ULK4: variants seen among roughly 807,000 people sequenced by gnomAD.
The protein encoded by ULK4 is inactive serine/threonine-protein kinase ULK4.
ULK4 carries 133 observed loss-of-function variants against 160.6 expected under a neutral mutation model. The ratio of observed to expected loss-of-function variants is 0.83; its 90% CI spans 0.72 to 0.96. The LOEUF is 0.96. ULK4 is among the 40% of genes least tolerant of loss of function. The pLI, the probability that ULK4 is intolerant of heterozygous loss-of-function variation, is 0.00. For missense variants in ULK4, 1,580 were observed against 1,499.5 expected (o/e 1.05, Z -0.89); for synonymous variants, 534 against 539.8 (o/e 0.99, Z 0.15).
chr3:41,602,456 A>G (rs1575473078), intron 31 of ULK4, among the ~76,000 whole-genome samples: 2 of 151,968 alleles, frequency 1.3e-5, no homozygotes, highest in East Asian at 3.9e-4. Context: ...AGAGGAAGAA[A>G]GACAGAAAAC....
chr3:41,442,834 T>C (rs1195289786), intron 34 of ULK4, among the ~76,000 whole-genome samples: 1 of 152,212 alleles, frequency 6.6e-6, no homozygotes, highest in Non-Finnish European at 1.5e-5. Flanking sequence ...TTTAGTACTC[T>C]GTAACGTGAA....
intron 25 of ULK4, among the ~76,000 whole-genome samples, chr3:41,709,135 AATTTT>A (rs1367996108): frequency 6.6e-6 from 1 of 152,182 alleles, no homozygotes; most frequent in African/African-American, 2.4e-5. Flanking sequence ...AGTTACAGAT[AATTTT>A]ATTTTCTTCA....
chr3:41,670,418 T>C (rs1575551654), intron 29 of ULK4, among the ~76,000 whole-genome samples: 1 of 152,292 alleles, frequency 6.6e-6, no homozygotes, highest in South Asian at 2.1e-4. Context: ...CCCAGTCTTG[T>C]GATTTTTATG....
In ULK4 at chr3:41,615,534, G is replaced by A. The variant is rs2032918847; in HGVS notation, c.3120+135C>T. ...AGATAAGAAAGCTGAAGTCCAAGGA[G>A]GTTAAGTGTGATGATGATGGACGTA... On this transcript the variant is annotated intron_variant, in intron 31 of 36. Transcript: ENST00000301831. 7.9e-6 allele frequency: 6 copies of A among 758,340 alleles called. No homozygotes were observed. The Admixed American group carries it at 1.6e-4, about 20-fold the overall frequency. 47.0% of individuals were successfully genotyped at this position (758,340 alleles called of 1,614,324 possible). A position where few individuals can be genotyped will look rare whatever the true frequency, so the allele number is the denominator to read the frequency against.
chr3:41,590,084 C>G (rs921572328), intron 31 of ULK4, among the ~76,000 whole-genome samples: 4 of 151,648 alleles, frequency 2.6e-5, no homozygotes, highest in African/African-American at 9.7e-5. Flanking sequence ...CTCACTGTAA[C>G]CTCCGCCTCC....
At chr3:41,535,779 A>C (rs752030302) in intron 32 of ULK4, among the ~76,000 whole-genome samples, 2 of 152,192 alleles carry the variant, frequency 1.3e-5, no homozygotes, top group African/African-American at 4.8e-5. Context: ...ATTTCTATAG[A>C]GTGGACTCAG....
intron 5 of ULK4, among the ~76,000 whole-genome samples, chr3:41,923,604 GT>G (rs368871026): frequency 9.6e-4 from 146 of 152,344 alleles, no homozygotes; most frequent in African/African-American, 3.3e-3. Flanking sequence ...GCTGGGTGCA[GT>G]CATGAGAAGC....
intron 25 of ULK4, among the ~76,000 whole-genome samples, chr3:41,709,234 G>GA (rs925569927): frequency 3.4e-3 from 503 of 149,470 alleles, no homozygotes; most frequent in African/African-American, 0.011. Flanking sequence ...TTTAAAATAA[G>GA]AAAAAAAAAC....
intron 34 of ULK4, among the ~76,000 whole-genome samples, chr3:41,411,077 T>C (rs185446598): frequency 5.9e-5 from 9 of 152,288 alleles, no homozygotes; most frequent in South Asian, 2.1e-4. Context: ...ATCATCTCAA[T>C]AGAAAAAGTA....
At chr3:41,472,903 A>G (rs570065762) in intron 32 of ULK4, among the ~76,000 whole-genome samples, 3 of 152,328 alleles carry the variant, frequency 2.0e-5, no homozygotes, top group East Asian at 3.9e-4. Flanking sequence ...ATTCCACAAT[A>G]TATTAAGAGG....
intron 29 of ULK4, among the ~76,000 whole-genome samples, chr3:41,680,204 T>C (rs1368039141): frequency 6.6e-6 from 1 of 152,210 alleles, no homozygotes; most frequent in African/African-American, 2.4e-5. Context: ...CATACACTCA[T>C]ATATAACAAA....
chr3:41,816,136 T>C (rs1463265149), intron 19 of ULK4, among the ~76,000 whole-genome samples: 26 of 151,872 alleles, frequency 1.7e-4, no homozygotes, highest in Non-Finnish European at 3.7e-4. Context: ...ACATATTATA[T>C]ATTATATATA....
At chr3:41,494,316 C>G (rs28819729) in intron 32 of ULK4, among the ~76,000 whole-genome samples, 89,387 of 102,010 alleles carry the variant, frequency 0.88, 39,869 homozygotes, top group Middle Eastern at 0.95. Context: ...TAAACAGAAC[C>G]AAAGACAAAA....
chr3:41,709,014 C>T (rs1268234808), intron 25 of ULK4, among the ~76,000 whole-genome samples: 1 of 152,092 alleles, frequency 6.6e-6, no homozygotes, highest in African/African-American at 2.4e-5. Flanking sequence ...GTGTATGTCA[C>T]ATACATGTTA....
chr3:41,463,648 G>A (rs770075463), intron 32 of ULK4, among the ~76,000 whole-genome samples: 1 of 152,154 alleles, frequency 6.6e-6, no homozygotes, highest in Non-Finnish European at 1.5e-5. Flanking sequence ...GAACCCAGTG[G>A]TCTGCTCTAT....
Position 41,901,169 on chromosome 3 carries a change from C to CTTTTTTTTTTTTT in ULK4, c.1183-341_1183-340insAAAAAAAAAAAAA, listed in dbSNP as rs756499023. ...AATTGGTTTTTCCATAACAGCATGG[C>CTTTTTTTTTTTTT]TTCTTTTTTTTTTTTTTTTTTTTTT... On this transcript the variant is annotated intron_variant, in intron 12 of 36. Coordinates refer to ENST00000301831, the MANE Select transcript of ULK4 (RefSeq NM_017886.4). 1.4e-4 allele frequency among the ~76,000 whole-genome samples: 13 copies of CTTTTTTTTTTTTT among 95,766 alleles called. 1 individual carries two copies. The highest frequency in any genetic ancestry group is 4.4e-4 in the South Asian group (1 of 2,264). The allele number at this position is 95,766 out of a possible 152,430, so 62.8% of individuals were successfully genotyped here.
At chr3:41,558,923 C>T (rs577633284) in intron 32 of ULK4, among the ~76,000 whole-genome samples, 2,768 of 145,040 alleles carry the variant, frequency 0.019, 95 homozygotes, top group African/African-American at 0.065. Flanking sequence ...ATGTGCACAA[C>T]GTGCAGGTTA....
chr3:41,350,074 G>T (rs544386821), intron 35 of ULK4, among the ~76,000 whole-genome samples: 1 of 151,892 alleles, frequency 6.6e-6, no homozygotes, highest in Non-Finnish European at 1.5e-5. Flanking sequence ...ATTTATTCAC[G>T]AACAGACCTT....
rs751780902 is a variant in ULK4, at chr3:41,911,571, C to T, written c.985G>A (p.Gly329Ser). ...CTGAAAGAGTGACCTAGTGGTTGAC[C>T]ACTCTTGTGCCCTTTTGCTTGTCTA... is the stretch of plus-strand genomic sequence containing the variant. ...QSRQAKGHKS[G>S]QPLGHSFRLE... The change falls in exon 10 of 37, where the codon GGT becomes AGT. Residue 329 changes from glycine to serine, a missense_variant. Transcript: ENST00000301831. The T allele has an allele frequency of 2.5e-6, 4 of 1,613,968 alleles. No individual in the cohort carries two copies. Among genetic ancestry groups the T allele is most frequent in the Non-Finnish European group, 3.4e-6 (4 of 1,180,010 alleles).
Sources: gnomAD v4.1 joint callset for allele counts (sites outside exome capture counted in the v4.1 genomes callset) on GRCh38, gnomAD v4.1.1 for gene constraint, MANE v1.5 for transcripts, NCBI Gene and HGNC (gene_info 2026-07-23, HGNC 2026-07-21) for gene names.